The following LRMDA variants were observed in gnomAD, a reference collection of about 807,000 sequenced individuals.
LRMDA encodes leucine rich melanocyte differentiation associated, also known as leucine-rich melanocyte differentiation-associated protein.
LRMDA carries 18 observed loss-of-function variants against 29.8 expected under a neutral mutation model. That is an observed-to-expected ratio of 0.60 (90% CI 0.42 to 0.90). The LOEUF (loss-of-function observed/expected upper bound fraction) is 0.90. LRMDA is among the 40% of genes least tolerant of loss of function. The pLI is 0.00. For synonymous variants in LRMDA, 125 were observed against 109.4 expected, an observed-to-expected ratio of 1.14 and a Z score of -0.89; for missense variants, 273 against 273.9, an observed-to-expected ratio of 1.00 and a Z score of 0.02.
At chr10:76,088,086 C>T (rs1849166803) in intron 5 of LRMDA, among the ~76,000 whole-genome samples, 2 of 152,194 alleles carry the variant, frequency 1.3e-5, no homozygotes, top group South Asian at 2.1e-4. Flanking sequence ...TACCACTGCA[C>T]TCCAGCCTGG....
intron 2 of LRMDA, among the ~76,000 whole-genome samples, chr10:75,529,535 G>A (rs185473483): frequency 5.9e-5 from 9 of 152,300 alleles, no homozygotes; most frequent in African/African-American, 1.9e-4. Flanking sequence ...GGTCATGGGC[G>A]AGGGAGATCC....
At chr10:76,339,795 C>A (rs182202434) in intron 6 of LRMDA, among the ~76,000 whole-genome samples, 1 of 151,766 alleles carries the variant, frequency 6.6e-6, no homozygotes, top group Non-Finnish European at 1.5e-5. Context: ...CCAGTGCTGT[C>A]TCAAGAAGAA....
In LRMDA at chr10:76,502,555, C is replaced by T. The variant is rs1170942369; in HGVS notation, c.602-54654C>T. ...CTTTCAACAGTGTTTTGGAGTTCTC[C>T]TTGTGGAGATATTTCACCCTCTTGG... On this transcript the variant is annotated intron_variant, in intron 6 of 6. Transcript: ENST00000611255. Among the ~76,000 whole-genome samples, 4 of 151,860 alleles carry T rather than the reference C, an allele frequency of 2.6e-5. No individual in the cohort carries two copies. The East Asian group carries it at 7.8e-4, about 30-fold the overall frequency.
chr10:76,541,054 C>T (rs1026006663), intron 6 of LRMDA, among the ~76,000 whole-genome samples: 1 of 152,158 alleles, frequency 6.6e-6, no homozygotes, highest in Non-Finnish European at 1.5e-5. Context: ...ATTCCTTAGT[C>T]TGATTTGGAT....
intron 6 of LRMDA, among the ~76,000 whole-genome samples, chr10:76,423,135 C>G (rs1301166953): frequency 6.6e-6 from 1 of 152,194 alleles, no homozygotes; most frequent in Non-Finnish European, 1.5e-5. Flanking sequence ...TGGCACATGC[C>G]TGTAATCCCA....
At chr10:76,357,697 C>A (rs922738024) in intron 6 of LRMDA, among the ~76,000 whole-genome samples, 2 of 152,134 alleles carry the variant, frequency 1.3e-5, no homozygotes, top group African/African-American at 4.8e-5. Context: ...ATGAAAATGA[C>A]TAAAGGGGTC....
intron 2 of LRMDA, among the ~76,000 whole-genome samples, chr10:75,871,267 A>G (rs1845104477): frequency 6.6e-6 from 1 of 152,090 alleles, no homozygotes; most frequent in African/African-American, 2.4e-5. Context: ...TTTCCTGCTG[A>G]TGGTGTCTCA....
At chr10:75,937,303 C>G (rs1016428041) in intron 2 of LRMDA, among the ~76,000 whole-genome samples, 1 of 152,192 alleles carries the variant, frequency 6.6e-6, no homozygotes, top group Admixed American at 6.5e-5. Context: ...TTAAGCCAAG[C>G]AACTCCTTTT....
chr10:75,779,807 G>C (rs1843357573), intron 2 of LRMDA, among the ~76,000 whole-genome samples: 2 of 151,944 alleles, frequency 1.3e-5, no homozygotes, highest in Admixed American at 1.3e-4. Context: ...GGGAGGGGGA[G>C]TGAATTGAAT....
chr10:76,167,503 A>C (rs1044047833), intron 5 of LRMDA, among the ~76,000 whole-genome samples: 1 of 152,196 alleles, frequency 6.6e-6, no homozygotes, highest in Non-Finnish European at 1.5e-5. Flanking sequence ...CCATTTATTA[A>C]ATAGAGAATC....
chr10:76,401,802 TACAG>T (rs906215477), intron 6 of LRMDA, among the ~76,000 whole-genome samples: 3 of 152,264 alleles, frequency 2.0e-5, no homozygotes, highest in African/African-American at 7.2e-5. Context: ...TTAGTGAGCT[TACAG>T]ACAAACAGGA....
chr10:75,665,171 C>T (rs2132138070), intron 2 of LRMDA, among the ~76,000 whole-genome samples: 1 of 152,336 alleles, frequency 6.6e-6, no homozygotes, highest in East Asian at 1.9e-4. Context: ...AGTTTCTTCA[C>T]ATGCCACATC....
At chr10:76,053,082 T>G (rs1848556203) in intron 4 of LRMDA, among the ~76,000 whole-genome samples, 1 of 152,208 alleles carries the variant, frequency 6.6e-6, no homozygotes, top group South Asian at 2.1e-4. Context: ...TATTAGTAGC[T>G]GTCTCTTCCT....
intron 5 of LRMDA, among the ~76,000 whole-genome samples, chr10:76,312,887 A>C (rs1840646826): frequency 6.6e-6 from 1 of 151,998 alleles, no homozygotes; most frequent in Non-Finnish European, 1.5e-5. Flanking sequence ...AAAGCTATAC[A>C]ACATGAGCTT....
At chr10:75,779,416 C>A (rs1399873674) in intron 2 of LRMDA, among the ~76,000 whole-genome samples, 1 of 152,148 alleles carries the variant, frequency 6.6e-6, no homozygotes, top group African/African-American at 2.4e-5. Context: ...AAAGTCATGT[C>A]CAAGCCAAGC....
intron 2 of LRMDA, among the ~76,000 whole-genome samples, chr10:75,875,061 C>G (rs1845173485): frequency 6.6e-6 from 1 of 152,208 alleles, no homozygotes; most frequent in African/African-American, 2.4e-5. Flanking sequence ...TAGCCATCCA[C>G]CAGCCCCTGG....
intron 2 of LRMDA, among the ~76,000 whole-genome samples, chr10:75,698,467 A>G (rs1043255099): frequency 1.3e-5 from 2 of 152,348 alleles, no homozygotes; most frequent in East Asian, 1.9e-4. Context: ...ATGAGCAGGG[A>G]ATAAGCTGAA....
rs139469039 is a variant in LRMDA, at chr10:76,049,842, G to A, written c.398+2539G>A. On this transcript the variant is annotated intron_variant, in intron 4 of 6. Transcript: ENST00000611255. ...TCTAGCTGTTTCCCAGAGCCTAATA[G>A]TAGAGCCTCTATGTAAATTTATGTG... Among the ~76,000 whole-genome samples the A allele has an allele frequency of 5.3e-5, 8 of 152,188 alleles. No homozygotes were observed. In the East Asian group the frequency reaches 5.8e-4, roughly 11 times the overall value.
chr10:75,836,035 G>GA (rs1180908857), intron 2 of LRMDA, among the ~76,000 whole-genome samples: 4 of 151,932 alleles, frequency 2.6e-5, no homozygotes, highest in South Asian at 2.1e-4. Flanking sequence ...CACTGAATAA[G>GA]AAAAAAAATC....
Sources: gnomAD v4.1 joint callset for allele counts (sites outside exome capture counted in the v4.1 genomes callset) on GRCh38, gnomAD v4.1.1 for gene constraint, MANE v1.5 for transcripts, NCBI Gene and HGNC (gene_info 2026-07-23, HGNC 2026-07-21) for gene names.